SSX7: variants seen among roughly 807,000 people sequenced by gnomAD.
The protein encoded by SSX7 is SSX family member 7, also known as protein SSX7.
A neutral mutation model predicts 14.7 loss-of-function variants in SSX7; 15 were observed. The ratio of observed to expected loss-of-function variants is 1.02; its 90% confidence interval spans 0.68 to 1.58. The LOEUF is 1.58. Among genes scored for constraint, SSX7 ranks in the 40% most tolerant of loss-of-function variants. SSX7 has a pLI of 0.00. For synonymous variants in SSX7, 46 were observed against 50.6 expected (o/e 0.91, Z 0.38); for missense variants, 178 against 146.8 (o/e 1.21, Z -1.10).
intron 5 of SSX7, among the ~76,000 whole-genome samples, chrX:52,648,847 C>T (rs1404427705): frequency 9.0e-6 from 1 of 110,851 alleles, no homozygotes; most frequent in African/African-American, 3.3e-5. Context: ...GAGATTAATA[C>T]AGGGAAGGGA....
rs1925482029 is a variant in SSX7, at chrX:52,652,896, C to G, written c.158G>C (p.Arg53Thr). 1.7e-6 allele frequency: 2 copies of G among 1,203,307 alleles called. No individual in the cohort carries two copies. Among genetic ancestry groups the G allele is most frequent in the Non-Finnish European group, 2.2e-6 (2 of 889,433 alleles). The change falls in exon 3 of 8, where the codon AGA becomes ACA. Residue 53 changes from arginine to threonine, a missense_variant. Transcript: ENST00000298181. ...LEKISYVYMK[R>T]KYEAMTKLGF... ...TAGTTTAGTCATGGCCTCATACTTT[C>G]TCTTCATATACACATAGCTGATTTT...
intron 6 of SSX7, among the ~76,000 whole-genome samples, chrX:52,646,456 T>A (rs1382751264): frequency 8.9e-6 from 1 of 112,855 alleles, no homozygotes; most frequent in Admixed American, 9.4e-5. Flanking sequence ...AATAATCACA[T>A]CATGGAAAAT....
intron 1 of SSX7, among the ~76,000 whole-genome samples, chrX:52,654,284 A>T (rs1439347711): frequency 9.1e-6 from 1 of 109,690 alleles, no homozygotes; most frequent in Non-Finnish European, 1.9e-5. Context: ...ACACATTAAC[A>T]GAAGCGGAGT....
intron 5 of SSX7, among the ~76,000 whole-genome samples, chrX:52,648,780 G>A (rs1556766661): frequency 8.9e-6 from 1 of 111,978 alleles, no homozygotes; most frequent in East Asian, 2.8e-4. Flanking sequence ...GCTGCTGGGA[G>A]AGTAAATGTA....
At chrX:52,652,473 G>A in intron 3 of SSX7, 126 bp from the exon 4 acceptor site, 2 of 519,414 alleles carry the variant, frequency 3.9e-6, no homozygotes, top group Non-Finnish European at 6.8e-6. Context: ...GGAGTTCAAG[G>A]CTGCAGTGAG....
rs370444205 is a variant in SSX7, at chrX:52,648,620, A to G, written c.331-224T>C. On this transcript the variant is annotated intron_variant, in intron 5 of 7. Coordinates refer to ENST00000298181, the MANE Select transcript of SSX7 (RefSeq NM_173358.2). ...AGAATGCTTATCTTCACACTCTTTA[A>G]GACTGACATTCTTGCAAACAGTAAA... 1.4e-4 allele frequency among the ~76,000 whole-genome samples: 16 copies of G among 111,906 alleles called. No individual in the cohort carries two copies. The East Asian group carries it at 1.7e-3, about 12-fold the overall frequency.
chrX:52,653,374 C>T, intron 2 of SSX7, 30 bp downstream of exon 2: 1 of 1,211,170 alleles, frequency 8.3e-7, no homozygotes, highest in South Asian at 1.8e-5. Flanking sequence ...TCCCCTGGGC[C>T]ACTACTCTGC....
intron 1 of SSX7, among the ~76,000 whole-genome samples, 154 bp downstream of exon 1, chrX:52,654,608 G>C: frequency 9.1e-6 from 1 of 109,613 alleles, no homozygotes; most frequent in Non-Finnish European, 1.9e-5. Flanking sequence ...GGAAGGATTT[G>C]AGATGGCGAC....
rs1455917380 is a variant in SSX7, at chrX:52,654,799, T to G, written c.-58A>C. On this transcript the variant is annotated 5_prime_UTR_variant, in exon 1 of 8. An upstream start codon of the reference 5' UTR is lost. Transcript: ENST00000298181. ...AGAATCGAGAGAGAAAGTCAGAGCA[T>G]GCATACTCTGAACTTAAAGTAGCCA... 1 of 112,597 alleles carries G rather than the reference T, an allele frequency of 8.9e-6. No homozygotes were observed. Among genetic ancestry groups the G allele is most frequent in the African/African-American group, 3.3e-5 (1 of 30,620 alleles). The allele number at this position is 112,597 out of a possible 1,213,427, so 9.3% of individuals were successfully genotyped here. A position where few individuals can be genotyped will look rare whatever the true frequency, so the allele number is the denominator to read the frequency against.
chrX:52,652,474 C>T, intron 3 of SSX7, 127 bp from the exon 4 acceptor site: 1 of 518,234 alleles, frequency 1.9e-6, no homozygotes, highest in South Asian at 2.8e-5. Context: ...GAGTTCAAGG[C>T]TGCAGTGAGC....
intron 4 of SSX7, among the ~76,000 whole-genome samples, chrX:52,651,421 C>T (rs1157103519): frequency 1.8e-5 from 2 of 111,513 alleles, no homozygotes; most frequent in Non-Finnish European, 1.9e-5. Flanking sequence ...TTTAGCAGTC[C>T]TTTGATTCAT....
chrX:52,653,458 G>A lies in SSX7; in HGVS notation c.15C>T (p.Asp5=), dbSNP rs146871555. The change falls in exon 2 of 8, where the codon GAC becomes GAT. Residue 5 remains aspartate (D), a synonymous_variant. Coordinates refer to ENST00000298181, the MANE Select transcript of SSX7 (RefSeq NM_173358.2). ...CAGCCCTAGGTCTCCTTGCAAAGGC[G>A]TCGTCTCCGTTCATGGCACCAGGAG... MNGD[D]AFARRPRAGA... 1.7e-3 allele frequency: 2,099 copies of A among 1,209,393 alleles called. 6 individuals carry two copies. The highest frequency in any genetic ancestry group is 2.2e-3 in the Non-Finnish European group (1,928 of 895,051).
At chrX:52,649,262 C>T (rs1925349098) in intron 5 of SSX7, among the ~76,000 whole-genome samples, 7 of 111,175 alleles carry the variant, frequency 6.3e-5, no homozygotes, top group Non-Finnish European at 3.8e-5. Context: ...ACCTCTTGAC[C>T]TAGTGATCCA....
intron 6 of SSX7, among the ~76,000 whole-genome samples, chrX:52,646,244 T>C (rs1387018279): frequency 9.0e-6 from 1 of 111,214 alleles, no homozygotes; most frequent in Non-Finnish European, 1.9e-5. Context: ...TTTGTATTTT[T>C]AGTAGAGACG....
At chrX:52,648,179 G>T in intron 6 of SSX7, 82 bp downstream of exon 6, 1 of 1,142,068 alleles carries the variant, frequency 8.8e-7, no homozygotes, top group Non-Finnish European at 1.2e-6. Context: ...GCTTGTCTGG[G>T]GTCCATGCCA....
At chrX:52,653,044 G>A in intron 2 of SSX7, 60 bp from the exon 3 acceptor site, 6 of 1,184,653 alleles carry the variant, frequency 5.1e-6, no homozygotes, top group Admixed American at 2.2e-5. Context: ...CTGCCATTCA[G>A]CTGGAGCCCC....
chrX:52,644,824 C>G (rs1925181667), intron 7 of SSX7, among the ~76,000 whole-genome samples, 154 bp from the exon 8 acceptor site: 2 of 111,359 alleles, frequency 1.8e-5, no homozygotes, highest in Admixed American at 9.6e-5. Flanking sequence ...TGAAGTGAAC[C>G]ATCCGCTCAT....
intron 3 of SSX7, among the ~76,000 whole-genome samples, chrX:52,652,615 G>T (rs1925471767): frequency 9.1e-6 from 1 of 110,346 alleles, no homozygotes; most frequent in South Asian, 4.0e-4. Context: ...ATGCCACAGA[G>T]ACACTTGGAC....
At chrX:52,648,223 G>A (rs1569172602) in intron 6 of SSX7, 38 bp downstream of exon 6, 1 of 1,197,833 alleles carries the variant, frequency 8.3e-7, no homozygotes, top group East Asian at 3.0e-5. Flanking sequence ...CATAGCCACG[G>A]AAGCCAGAGG....
Sources: allele counts gnomAD v4.1 joint callset (sites outside exome capture counted in the v4.1 genomes callset), GRCh38; gene constraint gnomAD v4.1.1; transcripts MANE v1.5; gene names NCBI Gene and HGNC (gene_info 2026-07-23, HGNC 2026-07-21).